Variants in ABHD8 observed in about 807,000 individuals in gnomAD.
ABHD8 encodes the protein protein ABHD8.
In ABHD8, 10 loss-of-function variants were observed where a neutral mutation model predicts 29.3. The ratio of observed to expected loss-of-function variants is 0.34; its 90% confidence interval spans 0.21 to 0.58. The LOEUF is 0.58. Ranked by LOEUF, ABHD8 falls within the 20% of genes least tolerant of loss-of-function variation. The probability of loss-of-function intolerance (pLI) is 0.85; values close to 1 mark genes in which losing one functional copy is unlikely to be tolerated. For missense variants in ABHD8, 556 were observed against 615.3 expected (o/e 0.90, Z 1.02); for synonymous variants, 282 against 274.6 (o/e 1.03, Z -0.27).
chr19:17,294,369 G>A lies in ABHD8; in HGVS notation c.1068C>T (p.Ala356=), dbSNP rs1480331974. ...CAAGCAGGACGGGCACGGTGAGCTC[G>A]GCGTGGTAGACCTCGTCGCCCTCGG... ...YWPEGDEVYH[A]ELTVPVLLVH... Residue 356 remains alanine, a synonymous_variant, in exon 4 of 5, where the codon GCC becomes GCT. Transcript: ENST00000247706. The A allele has an allele frequency of 1.9e-6, 3 of 1,613,786 alleles. No homozygotes were observed. The highest frequency in any genetic ancestry group is 2.2e-5 in the South Asian group (2 of 91,086).
At position 17,292,207 on chromosome 19, in the gene ABHD8, C is replaced by G. The variant is rs138165311; in HGVS notation, c.*454G>C. On this transcript the variant is annotated 3_prime_UTR_variant, in exon 5 of 5. Coordinates refer to ENST00000247706, the MANE Select transcript of ABHD8 (RefSeq NM_024527.5). ...GTGGCGCCAGCCCCCCCATCCCCCC[C>G]CCTTGGGCAAAAATAGCTCCCAGCG... is the stretch of plus-strand genomic sequence containing the variant. 36 of 199,368 alleles carry G rather than the reference C, an allele frequency of 1.8e-4. No homozygotes were observed. Among genetic ancestry groups the G allele is most frequent in the Non-Finnish European group, 2.8e-4 (28 of 98,976 alleles). 12.3% of individuals were successfully genotyped at this position (199,368 alleles called of 1,614,324 possible).
intron 2 of ABHD8, 56 bp from the exon 3 acceptor site, chr19:17,294,901 C>T (rs2074086986): frequency 8.9e-6 from 14 of 1,578,786 alleles, no homozygotes; most frequent in South Asian, 2.2e-5. Flanking sequence ...CAGCAGGATA[C>T]AAGCAGTGAC....
At chr19:17,301,825 G>A (rs534228266) in intron 1 of ABHD8, among the ~76,000 whole-genome samples, 1 of 148,230 alleles carries the variant, frequency 6.7e-6, no homozygotes, top group African/African-American at 2.5e-5. Flanking sequence ...AGACAGTCTC[G>A]CTTTGTCATC....
Position 17,301,065 on chromosome 19 carries a change from G to A in ABHD8, c.552C>T (p.Val184=), listed in dbSNP as rs969538687. 6.2e-7 allele frequency: 1 copy of A among 1,613,554 alleles called. No homozygotes were observed. Among genetic ancestry groups the A allele is most frequent in the Middle Eastern group, 1.6e-4 (1 of 6,062 alleles). The part of the protein sequence containing the change: ...ADVVLFFIHG[V]GGSLAIWKEQ... ...CCTTCCAGATGGCCAGGGAACCGCCGACACCATGGATGAAAAAGAGCACCA... is the reference window on the plus strand; with the variant it reads ...CCTTCCAGATGGCCAGGGAACCGCCAACACCATGGATGAAAAAGAGCACCA... Residue 184 remains valine (V), a synonymous_variant, in exon 2 of 5, where the codon GTC becomes GTT. Coordinates refer to ENST00000247706, the MANE Select transcript of ABHD8 (RefSeq NM_024527.5).
rs973373086 is a variant in ABHD8 at position 17,294,924 on chromosome 19, C to CTTTGTT, written c.762-85_762-80dup. On this transcript the variant is annotated intron_variant, in intron 2 of 4. Transcript: ENST00000247706. ...TACAAGCAGTGACCATTTTGTTTTG[C>CTTTGTT]TTTGTTTTTGTTTTTGTTTGAGACA... 1.7e-5 allele frequency: 26 copies of CTTTGTT among 1,527,944 alleles called. No homozygotes were observed. The African/African-American group carries it at 3.0e-4, about 18-fold the overall frequency. 94.6% of individuals were successfully genotyped at this position (1,527,944 alleles called of 1,614,324 possible).
At chr19:17,299,767 A>G (rs2074109326) in intron 2 of ABHD8, among the ~76,000 whole-genome samples, 1 of 152,062 alleles carries the variant, frequency 6.6e-6, no homozygotes, top group East Asian at 1.9e-4. Context: ...ATTTTTTTCA[A>G]GGAGAAAAAT....
rs1340356877 is a variant in ABHD8 at position 17,301,299 on chromosome 19, C to T, written c.318G>A (p.Gly106=). 6.2e-7 allele frequency: 1 copy of T among 1,607,122 alleles called. No homozygotes were observed. Among genetic ancestry groups the T allele is most frequent in the East Asian group, 2.2e-5 (1 of 44,860 alleles). Reference sequence around the variant, plus strand: ...CCGGCGGCTCCCCAGAGCCATTCTGCCCGTGTAGGAGGTCGGCTCGAGGGG... The same window carrying T: ...CCGGCGGCTCCCCAGAGCCATTCTGTCCGTGTAGGAGGTCGGCTCGAGGGG... ...GRAPRADLLH[G]QNGSGEPPAA... is the part of the protein sequence containing the mutation. The change falls in exon 2 of 5, where the codon GGG becomes GGA. Residue 106 remains glycine, a synonymous_variant. Transcript: ENST00000247706.
chr19:17,299,235 C>CA (rs1555720779), intron 2 of ABHD8, among the ~76,000 whole-genome samples: 5 of 10,804 alleles, frequency 4.6e-4, no homozygotes, highest in African/African-American at 2.1e-3. Flanking sequence ...CATAATGAGA[C>CA]CCCCCCCCCA....
rs2074116008 is a variant in ABHD8, at chr19:17,301,185, A to ACTGCCACTGCCG, written c.420_431dup (p.Ser142_Gly145dup). 3 of 1,604,834 alleles carry ACTGCCACTGCCG rather than the reference A, an allele frequency of 1.9e-6. No individual in the cohort carries two copies. The highest frequency in any genetic ancestry group is 2.5e-6 in the Non-Finnish European group (3 of 1,177,988). ...GCCTGGCTCGCCGCCGCCGCCCACCACTGCCACTGCCGCTGCCGCTGCCTG... is the reference window on the plus strand; with the variant it reads ...GCCTGGCTCGCCGCCGCCGCCCACCACTGCCACTGCCGCTGCCACTGCCGCTGCCGCTGCCTG... On this transcript the variant is annotated inframe_insertion, in exon 2 of 5. Coordinates refer to ENST00000247706, the MANE Select transcript of ABHD8 (RefSeq NM_024527.5).
chr19:17,302,766 A>T (rs1490462566), intron 1 of ABHD8: 2 of 152,330 alleles, frequency 1.3e-5, no homozygotes, highest in Admixed American at 1.3e-4. Flanking sequence ...CCAAGCCTCC[A>T]TCCCACTCCT....
In ABHD8 at chr19:17,292,386, G is replaced by T. The variant is rs1349847283; in HGVS notation, c.*275C>A. ...CCGTGGCGTTGGGGGGAAGGTGAGG[G>T]AGAGCTTCTGTACAAGGTCATCTTC... On this transcript the variant is annotated 3_prime_UTR_variant, in exon 5 of 5. Coordinates refer to ENST00000247706, the MANE Select transcript of ABHD8 (RefSeq NM_024527.5). 2 of 452,370 alleles carry T rather than the reference G, an allele frequency of 4.4e-6. No individual in the cohort carries two copies. The highest frequency in any genetic ancestry group is 7.8e-6 in the Non-Finnish European group (2 of 257,792). 28.0% of individuals were successfully genotyped at this position (452,370 alleles called of 1,614,324 possible). A position where few individuals can be genotyped will look rare whatever the true frequency, so the allele number is the denominator to read the frequency against.
rs2074118639 is a variant in ABHD8, at chr19:17,301,515, G to T, written c.102C>A (p.Thr34=). ...CGCGGCCGGGCTTGACCTCTACAAAGGTGTAGCCATCGCTGGACTCGACGC... is the reference window on the plus strand; with the variant it reads ...CGCGGCCGGGCTTGACCTCTACAAATGTGTAGCCATCGCTGGACTCGACGC... The part of the protein sequence containing the change: ...LESVESSDGY[T]FVEVKPGRVL... Residue 34 remains threonine (T), a synonymous_variant, in exon 2 of 5, where the codon ACC becomes ACA. Coordinates refer to ENST00000247706, the MANE Select transcript of ABHD8 (RefSeq NM_024527.5). The T allele has an allele frequency of 2.5e-6, 4 of 1,611,254 alleles. No individual in the cohort carries two copies. The highest frequency in any genetic ancestry group is 2.5e-6 in the Non-Finnish European group (3 of 1,179,406).
Position 17,301,045 on chromosome 19 carries a change from C to T in ABHD8, c.572G>A (p.Trp191Ter), listed in dbSNP as rs2074115011. The T allele has an allele frequency of 6.2e-7, 1 of 1,613,400 alleles. No homozygotes were observed. The highest frequency in any genetic ancestry group is 1.3e-5 in the African/African-American group (1 of 74,950). The change falls in exon 2 of 5, where the codon TGG becomes TAG. Residue 191 changes from tryptophan to a stop codon, truncating the protein, a stop_gained. Transcript: ENST00000247706. LOFTEE classifies it high-confidence loss of function. ...IHGVGGSLAI[W>*]KEQLDFFVRL... ...CACAAAGAAGTCCAGCTGCTCCTTC[C>T]AGATGGCCAGGGAACCGCCGACACC... is the stretch of plus-strand genomic sequence containing the variant.
Position 17,300,202 on chromosome 19 carries a change from AT to A in ABHD8, c.761+653del, listed in dbSNP as rs573118178. 8.9e-4 allele frequency among the ~76,000 whole-genome samples: 130 copies of A among 145,812 alleles called. 2 individuals carry two copies. The highest frequency in any genetic ancestry group is 1.5e-3 in the Non-Finnish European group (99 of 66,134). On this transcript the variant is annotated intron_variant, in intron 2 of 4. Coordinates refer to ENST00000247706, the MANE Select transcript of ABHD8 (RefSeq NM_024527.5). ...TACAGGCGTGAGCCACCGCGCCCGG[AT>A]TTTTTTTTCTTTTTTAAAGAGCGAC... is the stretch of plus-strand genomic sequence containing the variant.
At chr19:17,295,781 C>T (rs2074091501) in intron 2 of ABHD8, among the ~76,000 whole-genome samples, 1 of 152,164 alleles carries the variant, frequency 6.6e-6, no homozygotes, top group African/African-American at 2.4e-5. Flanking sequence ...AATCATAGCT[C>T]CCTGCAGCCT....
At chr19:17,301,756 C>T (rs2074120381) in intron 1 of ABHD8, 132 bp from the exon 2 acceptor site, 3 of 1,078,602 alleles carry the variant, frequency 2.8e-6, no homozygotes, top group Non-Finnish European at 3.7e-6. Context: ...AAGTGAGCCA[C>T]GGCACTGAGA....
At chr19:17,301,776 TTGTGTGTGTGTGTGTGTG>T (rs10679164) in intron 1 of ABHD8, among the ~76,000 whole-genome samples, 152 bp from the exon 2 acceptor site, 1 of 147,354 alleles carries the variant, frequency 6.8e-6, no homozygotes, top group African/African-American at 2.5e-5. Flanking sequence ...ATTTTTTTGT[TTGTGTGTGTGTGTGTGTG>T]TGTGTGTGTG....
At position 17,294,754 on chromosome 19, in the gene ABHD8, G is replaced by A. The variant is rs1229806152; in HGVS notation, c.853C>T (p.Pro285Ser). 2 of 1,614,168 alleles carry A rather than the reference G, an allele frequency of 1.2e-6. No individual in the cohort carries two copies. Among genetic ancestry groups the A allele is most frequent in the Non-Finnish European group, 1.7e-6 (2 of 1,180,034 alleles). The change falls in exon 3 of 5, where the codon CCC (proline) becomes TCC (serine). Residue 285 changes from proline (P) to serine (S), a missense_variant. Physicochemically the swap from Pro to Ser is moderately conservative, Grantham distance 74. Transcript: ENST00000247706. ...ATGTTGAAGATTGAGCAGAAGCTGG[G>A]CTCCAGCGCCGTAGGGCCCCCGCCA... ...INGGGPTALE[P>S]SFCSIFNMPT...
intron 2 of ABHD8, among the ~76,000 whole-genome samples, chr19:17,298,614 A>C (rs532839234): frequency 6.6e-6 from 1 of 152,076 alleles, no homozygotes; most frequent in African/African-American, 2.4e-5. Flanking sequence ...CATGATCAAC[A>C]CTAGATTGTG....
Sources: allele counts gnomAD v4.1 joint callset (sites outside exome capture counted in the v4.1 genomes callset), GRCh38; gene constraint gnomAD v4.1.1; transcripts MANE v1.5; gene names NCBI Gene and HGNC (gene_info 2026-07-23, HGNC 2026-07-21).